The following ZNF808 variants were observed in gnomAD, a reference collection of about 807,000 sequenced individuals.
ZNF808 encodes the protein zinc finger protein 808.
ZNF808 carries 5 observed loss-of-function variants against 8.7 expected under a neutral mutation model. The ratio of observed to expected loss-of-function variants is 0.58; its 90% CI spans 0.30 to 1.21. The LOEUF (loss-of-function observed/expected upper bound fraction) is 1.21. Among genes scored for constraint, ZNF808 ranks in the 50% most tolerant of loss-of-function variants. The probability of loss-of-function intolerance (pLI) is 0.07; values close to 1 mark genes in which losing one functional copy is unlikely to be tolerated. For missense variants in ZNF808, 1,103 were observed against 1,098.4 expected (o/e 1.00, Z -0.06); for synonymous variants, 380 against 366.0 (o/e 1.04, Z -0.44).
In ZNF808 at chr19:52,564,242, G is replaced by A. The variant is rs916324853; in HGVS notation, c.*1347G>A. The A allele has an allele frequency of 3.3e-5, 30 of 919,180 alleles. 1 individual carries two copies. The highest frequency in any genetic ancestry group is 9.9e-5 in the East Asian group (4 of 40,462). The allele number at this position is 919,180 out of a possible 1,614,324, so 56.9% of individuals were successfully genotyped here. On this transcript the variant is annotated 3_prime_UTR_variant and NMD_transcript_variant, in exon 4 of 4. Coordinates refer to the ZNF808 transcript ENST00000487863. ...AAGCTGGGTCTATAAGGAATTGCAC[G>A]TGAGATGGCACACATATTTATGCTG...
chr19:52,554,553 A>G lies in ZNF808; in HGVS notation c.1637A>G (p.Lys546Arg). The change falls in exon 5 of 5, where the codon AAG becomes AGG. Residue 546 changes from lysine (K) to arginine (R), a missense_variant. Coordinates refer to ENST00000359798, the MANE Select transcript of ZNF808 (RefSeq NM_001039886.4). ...TCTTACAAATGTACGGTTTGTAACA[A>G]GGTTTTCATGCGTAATTCAGTCCTG... The part of the protein sequence containing the change: ...EKSYKCTVCN[K>R]VFMRNSVLAV... 6.2e-7 allele frequency: 1 copy of G among 1,614,012 alleles called. No homozygotes were observed. The highest frequency in any genetic ancestry group is 1.3e-5 in the African/African-American group (1 of 75,044).
At chr19:52,528,843 G>C (rs1301273767) in intron 1 of ZNF808, among the ~76,000 whole-genome samples, 2 of 151,992 alleles carry the variant, frequency 1.3e-5, no homozygotes, top group Non-Finnish European at 2.9e-5. Flanking sequence ...AATAGATGGA[G>C]ATTGAGGACG....
chr19:52,539,546 TG>T lies in ZNF808; in HGVS notation c.-19-3718del, dbSNP rs771329873. ...TTTAATTTACTTATTTTTGTTGTGG[TG>T]GTTTTTTTTTTTTTTTTTTTTTTTT... On this transcript the variant is annotated intron_variant, in intron 2 of 4. Transcript: ENST00000359798. Among the ~76,000 whole-genome samples, 99 of 100,686 alleles carry T rather than the reference TG, an allele frequency of 9.8e-4. 1 individual carries two copies. Among genetic ancestry groups the T allele is most frequent in the African/African-American group, 3.7e-3 (83 of 22,622 alleles). 66.1% of individuals were successfully genotyped at this position (100,686 alleles called of 152,430 possible).
exon 4 of ZNF808, chr19:52,564,412 A>C: frequency 3.2e-6 from 1 of 315,748 alleles, no homozygotes; most frequent in Non-Finnish European, 5.8e-6. Flanking sequence ...AACATGTGAG[A>C]CCTTTCATTT....
downstream of ZNF808, among the ~76,000 whole-genome samples, chr19:52,561,200 CTCTCTCTCTCTCTA>C (rs1345865761): frequency 0.013 from 610 of 46,964 alleles, 2 homozygotes; most frequent in Middle Eastern, 0.028. Context: ...CTCTCTCTCT[CTCTCTCTCTCTCTA>C]TATATATATA....
chr19:52,552,703 GTTT>G (rs33948596), intron 4 of ZNF808, among the ~76,000 whole-genome samples: 1 of 141,140 alleles, frequency 7.1e-6, no homozygotes, highest in East Asian at 2.1e-4. Context: ...ATGTTGTGTG[GTTT>G]TTTTTTTTTT....
At chr19:52,557,548 G>A (rs1163506838), downstream of ZNF808, among the ~76,000 whole-genome samples, 3 of 152,274 alleles carry the variant, frequency 2.0e-5, no homozygotes, top group East Asian at 1.9e-4. Flanking sequence ...GATTACAGGC[G>A]TGAGCCATCG....
intron 3 of ZNF808, among the ~76,000 whole-genome samples, chr19:52,544,859 C>G (rs961432499): frequency 3.3e-5 from 5 of 152,184 alleles, no homozygotes; most frequent in Non-Finnish European, 7.3e-5. Context: ...TCTCAGCTCA[C>G]TACAACCTCT....
At chr19:52,539,107 G>A (rs1238213043) in intron 2 of ZNF808, among the ~76,000 whole-genome samples, 3 of 152,040 alleles carry the variant, frequency 2.0e-5, no homozygotes, top group South Asian at 2.1e-4. Context: ...TATATGGAAC[G>A]TGATGAAAGG....
chr19:52,555,385 A>G lies in ZNF808; in HGVS notation c.2469A>G (p.Glu823=), dbSNP rs750325867. ...CAGAGAAACCTTACAAGTGTAATGA[A>G]TGTGGAAAGGCTTTTAATGAACAAT... is the stretch of plus-strand genomic sequence containing the variant. ...HTAEKPYKCN[E]CGKAFNEQSH... The change falls in exon 5 of 5, where the codon GAA becomes GAG. Residue 823 remains glutamate (E), a synonymous_variant. Transcript: ENST00000359798. 7.4e-5 allele frequency: 119 copies of G among 1,614,024 alleles called. No individual in the cohort carries two copies. The highest frequency in any genetic ancestry group is 9.7e-5 in the Non-Finnish European group (115 of 1,180,018).
At chr19:52,529,464 C>T (rs990925119) in intron 1 of ZNF808, among the ~76,000 whole-genome samples, 1 of 152,024 alleles carries the variant, frequency 6.6e-6, no homozygotes, top group Non-Finnish European at 1.5e-5. Flanking sequence ...TGTTGACTTC[C>T]CTGTATATAA....
downstream of ZNF808, among the ~76,000 whole-genome samples, chr19:52,565,663 A>G (rs1239522516): frequency 6.6e-6 from 1 of 152,222 alleles, no homozygotes; most frequent in Non-Finnish European, 1.5e-5. Context: ...AGCCTAAGGC[A>G]TAAGTGACTA....
At chr19:52,551,324 C>G (rs2059774167) in intron 4 of ZNF808, among the ~76,000 whole-genome samples, 2 of 151,170 alleles carry the variant, frequency 1.3e-5, no homozygotes, top group Non-Finnish European at 1.5e-5. Flanking sequence ...TGCACTTCAG[C>G]CAAGGTGACA....
chr19:52,558,867 A>G (rs956512050), downstream of ZNF808, among the ~76,000 whole-genome samples: 1 of 152,232 alleles, frequency 6.6e-6, no homozygotes, highest in African/African-American at 2.4e-5. Context: ...GTGTCAACTC[A>G]AGGTTAAATG....
exon 4 of ZNF808, chr19:52,563,744 G>C (rs537916878): frequency 6.4e-6 from 1 of 155,928 alleles, no homozygotes; most frequent in Admixed American, 6.5e-5. Flanking sequence ...AATCTTGTTC[G>C]TGCTGCAGTG....
chr19:52,554,351 G>T lies in ZNF808; in HGVS notation c.1435G>T (p.Gly479Ter), dbSNP rs1209194287. The change falls in exon 5 of 5, where the codon GGA becomes TGA. Residue 479 changes from glycine to a stop codon, truncating the protein, a stop_gained. Transcript: ENST00000359798. LOFTEE classifies it low-confidence loss of function (END_TRUNC). ...QLARHRRIHT[G>*]EKTYKCNECR... The stretch of plus-strand genomic sequence containing the variant: ...GGCACGACATAGAAGAATTCACACT[G>T]GAGAGAAAACTTACAAGTGTAATGA... 6.2e-7 allele frequency: 1 copy of T among 1,613,948 alleles called. No individual in the cohort carries two copies.
chr19:52,561,212 CT>C (rs2059856947), downstream of ZNF808, among the ~76,000 whole-genome samples: 1 of 40,066 alleles, frequency 2.5e-5, no homozygotes, highest in East Asian at 6.7e-4. Flanking sequence ...CTCTCTCTCT[CT>C]ATATATATAT....
At chr19:52,531,570 C>G (rs1466736413) in intron 1 of ZNF808, among the ~76,000 whole-genome samples, 1 of 151,836 alleles carries the variant, frequency 6.6e-6, no homozygotes, top group Admixed American at 6.6e-5. Context: ...CTCTCACAGG[C>G]ACCATCTGCA....
downstream of ZNF808, among the ~76,000 whole-genome samples, chr19:52,567,007 A>C (rs1402002551): frequency 4.7e-5 from 7 of 149,294 alleles, no homozygotes; most frequent in African/African-American, 7.4e-5. Context: ...GCTGGAGTGC[A>C]ATAGGACAAT....
Sources: allele counts gnomAD v4.1 joint callset (sites outside exome capture counted in the v4.1 genomes callset), GRCh38; gene constraint gnomAD v4.1.1; transcripts MANE v1.5; gene names NCBI Gene and HGNC (gene_info 2026-07-23, HGNC 2026-07-21).